CRB1: variants seen among roughly 807,000 people sequenced by gnomAD.
The protein encoded by CRB1 is crumbs cell polarity complex component 1, also known as protein crumbs homolog 1.
Under a neutral mutation model 120.0 loss-of-function variants are expected in CRB1, and 83 were observed. That is an observed-to-expected ratio of 0.69 (90% CI 0.58 to 0.83). The LOEUF (loss-of-function observed/expected upper bound fraction) is 0.83. CRB1 is among the 40% of genes least tolerant of loss of function. CRB1 has a pLI of 0.00. For synonymous variants in CRB1, 625 were observed against 612.5 expected, an observed-to-expected ratio of 1.02 and a Z score of -0.30; for missense variants, 1,699 against 1,687.6, an observed-to-expected ratio of 1.01 and a Z score of -0.12.
Position 197,476,397 on chromosome 1 carries a change from T to TGCGC in CRB1, c.4006-1265_4006-1262dup, listed in dbSNP as rs138578688. Among the ~76,000 whole-genome samples, 407 of 146,010 alleles carry TGCGC rather than the reference T, an allele frequency of 2.8e-3. 5 individuals are homozygous for TGCGC. The Middle Eastern group carries it at 0.035, about 12-fold the overall frequency. ...GTGTGTGTGTGTGTGTGTGTGTGTG[T>TGCGC]GCGCGTCTTCCTCTTCTCCTATCTC... On this transcript the variant is annotated intron_variant, in intron 11 of 11. Transcript: ENST00000367400.
intron 5 of CRB1, among the ~76,000 whole-genome samples, chr1:197,397,593 G>A (rs78568179): frequency 0.061 from 9,275 of 152,148 alleles, 435 homozygotes; most frequent in Non-Finnish European, 0.095. Flanking sequence ...TGGATAAACA[G>A]TCTTACCTTC....
rs553702181 is a variant in CRB1 at position 197,405,182 on chromosome 1, TCTC to T, written c.1172-15815_1172-15813del. ...GCTCACTGCAACCTCCCTGCCTGAT[TCTC>T]CTGCCTTAGCCTGCCGAGTGCCTGC... On this transcript the variant is annotated intron_variant, in intron 5 of 11. Transcript: ENST00000367400. Among the ~76,000 whole-genome samples, 857 of 152,100 alleles carry T rather than the reference TCTC, an allele frequency of 5.6e-3. 6 individuals are homozygous for T. Among genetic ancestry groups the T allele is most frequent in the African/African-American group, 0.02 (830 of 41,500 alleles).
At chr1:197,262,891 C>G in the CRB1 span, among the ~76,000 whole-genome samples, 1 of 152,196 alleles carries the variant, frequency 6.6e-6, no homozygotes, top group African/African-American at 2.4e-5. Flanking sequence ...AGTATTCCAT[C>G]TTGTATAAGT....
At chr1:197,315,823 A>C (rs1266784179) in intron 1 of CRB1, among the ~76,000 whole-genome samples, 1 of 152,232 alleles carries the variant, frequency 6.6e-6, no homozygotes, top group Non-Finnish European at 1.5e-5. Flanking sequence ...AGTATCCTGA[A>C]AATGGCCAAC....
At chr1:197,384,763 G>A (rs1343236812) in intron 5 of CRB1, among the ~76,000 whole-genome samples, 2 of 151,936 alleles carry the variant, frequency 1.3e-5, no homozygotes, top group Non-Finnish European at 2.9e-5. Flanking sequence ...TAGCATTTAC[G>A]GATAATAAGG....
chr1:197,390,960 A>T (rs922975041), intron 5 of CRB1, among the ~76,000 whole-genome samples: 5 of 152,066 alleles, frequency 3.3e-5, no homozygotes, highest in African/African-American at 1.2e-4. Flanking sequence ...TTGTGACAAC[A>T]TTAAAAAAAA....
At chr1:197,291,345 C>A (rs1656169534) in intron 1 of CRB1, among the ~76,000 whole-genome samples, 1 of 151,678 alleles carries the variant, frequency 6.6e-6, no homozygotes, top group African/African-American at 2.4e-5. Flanking sequence ...CGGCACTTTG[C>A]AAGTATTTTA....
At chr1:197,329,055 T>C (rs778137276) in intron 2 of CRB1, 52 bp downstream of exon 2, 3 of 1,481,238 alleles carry the variant, frequency 2.0e-6, no homozygotes, top group Non-Finnish European at 1.9e-6. Flanking sequence ...TCTTTCTAAG[T>C]GGCAGAAGCA....
chr1:197,382,487 T>C (rs1323877145), intron 5 of CRB1, among the ~76,000 whole-genome samples: 1 of 152,222 alleles, frequency 6.6e-6, no homozygotes, highest in Non-Finnish European at 1.5e-5. Context: ...CAGTAATTTA[T>C]TTATTTACTG....
At chr1:197,412,589 G>A (rs1663765879) in intron 5 of CRB1, among the ~76,000 whole-genome samples, 1 of 152,090 alleles carries the variant, frequency 6.6e-6, no homozygotes, top group Non-Finnish European at 1.5e-5. Context: ...CCCTGAATAT[G>A]TTCCCTCTCC....
At chr1:197,390,234 T>A (rs558113362) in intron 5 of CRB1, among the ~76,000 whole-genome samples, 6 of 152,178 alleles carry the variant, frequency 3.9e-5, no homozygotes. Context: ...GTTCTTTTAT[T>A]AAGTCACTAC....
chr1:197,323,711 G>A (rs1571838946), intron 1 of CRB1, among the ~76,000 whole-genome samples: 1 of 152,270 alleles, frequency 6.6e-6, no homozygotes, highest in Non-Finnish European at 1.5e-5. Context: ...ACAAAGGGCA[G>A]GGCATCTTCT....
intron 5 of CRB1, among the ~76,000 whole-genome samples, chr1:197,377,946 G>T (rs1351478114): frequency 6.6e-6 from 1 of 152,064 alleles, no homozygotes; most frequent in Non-Finnish European, 1.5e-5. Context: ...TATCCTCCCG[G>T]CACTATCTTT....
chr1:197,375,807 A>G (rs1162152459), intron 5 of CRB1, among the ~76,000 whole-genome samples: 2 of 151,844 alleles, frequency 1.3e-5, no homozygotes, highest in Non-Finnish European at 2.9e-5. Context: ...TATCCTCTGG[A>G]AAAAAAATGC....
At chr1:197,264,855 C>T (rs574110693), upstream of CRB1, among the ~76,000 whole-genome samples, 2 of 151,662 alleles carry the variant, frequency 1.3e-5, no homozygotes, top group South Asian at 4.2e-4. Context: ...AAACTCCTGA[C>T]CTCATGTGAT....
chr1:197,254,669 G>T, the CRB1 span, among the ~76,000 whole-genome samples: 1 of 152,020 alleles, frequency 6.6e-6, no homozygotes, highest in Non-Finnish European at 1.5e-5. Context: ...GTTTTTTAAA[G>T]AACACCTTTA....
chr1:197,206,515 T>A, the CRB1 span, among the ~76,000 whole-genome samples: 1 of 152,278 alleles, frequency 6.6e-6, no homozygotes, highest in African/African-American at 2.4e-5. Context: ...GTTGACCCAA[T>A]GATCATTCAG....
intron 5 of CRB1, among the ~76,000 whole-genome samples, chr1:197,388,977 G>C (rs1259491324): frequency 6.6e-6 from 1 of 152,104 alleles, no homozygotes; most frequent in Non-Finnish European, 1.5e-5. Context: ...CTAGTTATTA[G>C]AGGAATGCAA....
At chr1:197,443,911 C>T (rs981427695) in intron 11 of CRB1, 1 of 151,996 alleles carries the variant, frequency 6.6e-6, no homozygotes, top group African/African-American at 2.4e-5. Flanking sequence ...TATTTGTGTT[C>T]ATTTAAAGGA....
Sources: allele counts gnomAD v4.1 joint callset (sites outside exome capture counted in the v4.1 genomes callset), GRCh38; gene constraint gnomAD v4.1.1; transcripts MANE v1.5; gene names NCBI Gene and HGNC (gene_info 2026-07-23, HGNC 2026-07-21).